EDIL3: variants seen among roughly 807,000 people sequenced by gnomAD.
EDIL3 encodes the protein EGF like and discoidin domains 3.
Under a neutral mutation model 67.4 loss-of-function variants are expected in EDIL3, and 37 were observed. That is an observed-to-expected ratio of 0.55 (90% CI 0.42 to 0.72). EDIL3 has a LOEUF of 0.72. Ranked by LOEUF, EDIL3 falls within the 30% of genes least tolerant of loss-of-function variation. EDIL3 has a pLI of 0.00. For synonymous variants in EDIL3, 195 were observed against 196.3 expected, an observed-to-expected ratio of 0.99 and a Z score of 0.05; for missense variants, 527 against 586.3, an observed-to-expected ratio of 0.90 and a Z score of 1.04.
intron 9 of EDIL3, among the ~76,000 whole-genome samples, chr5:84,030,246 T>G (rs774914216): frequency 6.6e-6 from 1 of 152,244 alleles, no homozygotes; most frequent in Non-Finnish European, 1.5e-5. Flanking sequence ...TTTTTAAATC[T>G]CCTATGTAGC....
At chr5:84,016,089 T>G (rs1287040368) in intron 9 of EDIL3, among the ~76,000 whole-genome samples, 1 of 152,152 alleles carries the variant, frequency 6.6e-6, no homozygotes, top group African/African-American at 2.4e-5. Context: ...TTTCCTTCTT[T>G]GTGTTCATGA....
chr5:84,324,100 C>T (rs76928526), intron 1 of EDIL3, among the ~76,000 whole-genome samples: 2,788 of 151,938 alleles, frequency 0.018, 86 homozygotes, highest in African/African-American at 0.064. Flanking sequence ...CCAACAGCAA[C>T]AGCAACAGCA....
At chr5:84,125,481 A>G (rs1435269123) in intron 5 of EDIL3, among the ~76,000 whole-genome samples, 1 of 152,068 alleles carries the variant, frequency 6.6e-6, no homozygotes, top group Non-Finnish European at 1.5e-5. Context: ...ATAGCGTCAT[A>G]TATGTCCGGG....
At chr5:84,034,346 A>G (rs867446861) in intron 9 of EDIL3, among the ~76,000 whole-genome samples, 5 of 152,350 alleles carry the variant, frequency 3.3e-5, no homozygotes, top group Admixed American at 1.3e-4. Flanking sequence ...TTTCTCAAAG[A>G]CTGAAGGATA....
At chr5:84,061,071 T>C (rs1746534186) in intron 8 of EDIL3, among the ~76,000 whole-genome samples, 1 of 152,120 alleles carries the variant, frequency 6.6e-6, no homozygotes, top group Non-Finnish European at 1.5e-5. Flanking sequence ...GAATCTAGTA[T>C]TTACTGAGGG....
intron 9 of EDIL3, among the ~76,000 whole-genome samples, chr5:84,016,511 C>A (rs1040457507): frequency 6.6e-6 from 1 of 152,076 alleles, no homozygotes; most frequent in Non-Finnish European, 1.5e-5. Context: ...CTGATAATCC[C>A]AAATCCAAAA....
intron 5 of EDIL3, among the ~76,000 whole-genome samples, chr5:84,132,382 ATATATTT>A (rs1747992827): frequency 6.4e-5 from 3 of 46,966 alleles, no homozygotes; most frequent in African/African-American, 2.5e-4. Context: ...ATTATATATA[ATATATTT>A]TATATATAAT....
chr5:84,088,967 C>T (rs1747118671), intron 6 of EDIL3, among the ~76,000 whole-genome samples: 1 of 152,168 alleles, frequency 6.6e-6, no homozygotes, highest in Non-Finnish European at 1.5e-5. Context: ...TAAATACACT[C>T]ATTTAGAACC....
At chr5:84,217,751 C>CACACAA (rs1744259211) in intron 3 of EDIL3, among the ~76,000 whole-genome samples, 1 of 151,414 alleles carries the variant, frequency 6.6e-6, no homozygotes, top group Non-Finnish European at 1.5e-5. Context: ...CACACACACA[C>CACACAA]ACACACACAC....
intron 1 of EDIL3, among the ~76,000 whole-genome samples, chr5:84,365,789 C>T (rs554033116): frequency 6.6e-6 from 1 of 152,244 alleles, no homozygotes; most frequent in Admixed American, 6.5e-5. Context: ...CTTTTAACAG[C>T]CAGACCACAA....
intron 3 of EDIL3, among the ~76,000 whole-genome samples, chr5:84,222,155 A>G (rs865776735): frequency 6.6e-6 from 1 of 151,874 alleles, no homozygotes. Flanking sequence ...GTGTAACTAA[A>G]ATTAAATATT....
At chr5:84,341,161 C>T (rs1215955140) in intron 1 of EDIL3, among the ~76,000 whole-genome samples, 1 of 151,978 alleles carries the variant, frequency 6.6e-6, no homozygotes, top group African/African-American at 2.4e-5. Flanking sequence ...TACCAAAACA[C>T]AACTTTTGCA....
chr5:84,011,522 T>A (rs1418748942), intron 9 of EDIL3, among the ~76,000 whole-genome samples: 3 of 152,208 alleles, frequency 2.0e-5, no homozygotes, highest in African/African-American at 4.8e-5. Flanking sequence ...TATGCCAACA[T>A]TACCTTTTAA....
At chr5:84,209,773 T>C (rs1744078141) in intron 3 of EDIL3, among the ~76,000 whole-genome samples, 1 of 152,208 alleles carries the variant, frequency 6.6e-6, no homozygotes, top group Non-Finnish European at 1.5e-5. Context: ...TTATTGAGTG[T>C]CTAGTTCACT....
chr5:84,119,071 TTACATTGTTGTTGTTTTA>T (rs1747724060), intron 5 of EDIL3, among the ~76,000 whole-genome samples: 1 of 152,096 alleles, frequency 6.6e-6, no homozygotes. Context: ...ATGGTAGCTT[TTACATTGTTGTTGTTTTA>T]CCACAATAAA....
chr5:84,255,868 T>C (rs1227719996), intron 1 of EDIL3, among the ~76,000 whole-genome samples: 1 of 152,154 alleles, frequency 6.6e-6, no homozygotes, highest in Non-Finnish European at 1.5e-5. Flanking sequence ...GGCTGGACCA[T>C]GGAGTATTTA....
At chr5:84,289,601 G>T (rs2112116493) in intron 1 of EDIL3, among the ~76,000 whole-genome samples, 1 of 152,218 alleles carries the variant, frequency 6.6e-6, no homozygotes, top group South Asian at 2.1e-4. Context: ...GAGCCCCTTG[G>T]TTGTGAATCT....
intron 2 of EDIL3, among the ~76,000 whole-genome samples, chr5:84,247,397 G>A (rs918308966): frequency 5.9e-5 from 9 of 151,674 alleles, no homozygotes; most frequent in African/African-American, 1.9e-4. Flanking sequence ...GAAGTCTTTC[G>A]GACAACGTCA....
chr5:84,238,588 C>A lies in EDIL3; in HGVS notation c.197-8704G>T, dbSNP rs187475845. On this transcript the variant is annotated intron_variant, in intron 2 of 10. Transcript: ENST00000296591. The stretch of plus-strand genomic sequence containing the variant: ...GTAGAGCTAATCTAATGTGCTACTG[C>A]CTTTATGTAACAGTGAGTTAATGAC... 8.7e-5 allele frequency among the ~76,000 whole-genome samples: 13 copies of A among 150,164 alleles called. No homozygotes were observed. The East Asian group carries it at 2.4e-3, about 27-fold the overall frequency.
Sources: gnomAD v4.1 joint callset for allele counts (sites outside exome capture counted in the v4.1 genomes callset) on GRCh38, gnomAD v4.1.1 for gene constraint, MANE v1.5 for transcripts, NCBI Gene and HGNC (gene_info 2026-07-23, HGNC 2026-07-21) for gene names.